MAGI1: variants seen among roughly 807,000 people sequenced by gnomAD.
MAGI1 encodes membrane-associated guanylate kinase, WW and PDZ domain-containing protein 1.
MAGI1 carries 58 observed loss-of-function variants against 139.9 expected under a neutral mutation model. That is an observed-to-expected ratio of 0.41 (90% CI 0.34 to 0.52). The LOEUF (loss-of-function observed/expected upper bound fraction) is 0.52, where lower values mean the gene tolerates loss of function less well. MAGI1 is among the 20% of genes least tolerant of loss of function. The pLI is 0.12. For synonymous variants in MAGI1, 812 were observed against 737.9 expected (o/e 1.10, Z -1.63); for missense variants, 1,874 against 1,901.6 (o/e 0.99, Z 0.27).
At chr3:65,411,030 G>T (rs1945754418) in intron 12 of MAGI1, among the ~76,000 whole-genome samples, 1 of 152,102 alleles carries the variant, frequency 6.6e-6, no homozygotes, top group Admixed American at 6.6e-5. Context: ...AGAAAGGAAA[G>T]AAAAAGAACC....
chr3:66,016,917 C>A (rs2067676383), intron 1 of MAGI1, among the ~76,000 whole-genome samples: 2 of 152,250 alleles, frequency 1.3e-5, no homozygotes, highest in Non-Finnish European at 2.9e-5. Flanking sequence ...TGTACGATTT[C>A]ACTTTTATGA....
chr3:65,756,262 G>T (rs1212624850), intron 1 of MAGI1, among the ~76,000 whole-genome samples: 1 of 152,060 alleles, frequency 6.6e-6, no homozygotes, highest in Non-Finnish European at 1.5e-5. Flanking sequence ...GGCCAGTGGG[G>T]AAAAAAATTG....
intron 1 of MAGI1, among the ~76,000 whole-genome samples, chr3:65,948,942 CA>C (rs2063667607): frequency 6.6e-6 from 1 of 152,144 alleles, no homozygotes; most frequent in East Asian, 1.9e-4. Flanking sequence ...CAGTCTCTTC[CA>C]ACTGCCCAGT....
intron 1 of MAGI1, among the ~76,000 whole-genome samples, chr3:65,691,841 G>A (rs2088689887): frequency 6.6e-6 from 1 of 152,158 alleles, no homozygotes; most frequent in South Asian, 2.1e-4. Flanking sequence ...TGGCTAACTG[G>A]ACTGAAATCG....
chr3:65,532,303 C>G (rs2078750042), intron 2 of MAGI1, among the ~76,000 whole-genome samples: 1 of 152,178 alleles, frequency 6.6e-6, no homozygotes, highest in South Asian at 2.1e-4. Flanking sequence ...GTTCTCTTCA[C>G]TAAGACACAA....
At chr3:65,644,869 C>A (rs956768029) in intron 1 of MAGI1, among the ~76,000 whole-genome samples, 1 of 151,780 alleles carries the variant, frequency 6.6e-6, no homozygotes, top group Admixed American at 6.6e-5. Flanking sequence ...TGGTGACGCA[C>A]ACCTATAATC....
At position 65,357,063 on chromosome 3, in the gene MAGI1, T is replaced by A. The variant is rs773725399; in HGVS notation, c.3704A>T (p.Asp1235Val). 9.9e-6 allele frequency: 16 copies of A among 1,614,022 alleles called. No individual in the cohort carries two copies. The highest frequency in any genetic ancestry group is 1.4e-5 in the Non-Finnish European group (16 of 1,180,032). The change falls in exon 23 of 23, where the codon GAC becomes GTC. Residue 1235 changes from aspartate to valine, a missense_variant. This residue lies in a region of MAGI1 where 653 missense variants were observed against 644.5 expected (regional missense o/e 1.01). Coordinates refer to ENST00000402939, the MANE Select transcript of MAGI1 (RefSeq NM_001033057.2). ...CTCCAATGACGGATGCTGCCGGCGG[T>A]CGGGCCCGGCCCTCACTTCCGGAAC... ...QGVPEVRAGP[D>V]RRQHPSLESS...
intron 2 of MAGI1, among the ~76,000 whole-genome samples, chr3:65,545,179 G>A (rs967256362): frequency 6.6e-6 from 1 of 152,068 alleles, no homozygotes; most frequent in African/African-American, 2.4e-5. Flanking sequence ...ACAAACCCAT[G>A]AGAAAGCAAA....
intron 1 of MAGI1, among the ~76,000 whole-genome samples, chr3:65,694,586 A>G (rs1344659336): frequency 6.6e-6 from 1 of 152,238 alleles, no homozygotes; most frequent in Non-Finnish European, 1.5e-5. Context: ...CTTAATCAGG[A>G]CAGTTTCGGC....
chr3:65,603,114 C>A (rs1246339383), intron 2 of MAGI1, among the ~76,000 whole-genome samples: 1 of 152,060 alleles, frequency 6.6e-6, no homozygotes, highest in African/African-American at 2.4e-5. Flanking sequence ...CTTCCCTTTT[C>A]CTAGCTACTG....
At chr3:65,402,661 A>T (rs980087608) in intron 12 of MAGI1, among the ~76,000 whole-genome samples, 1 of 152,094 alleles carries the variant, frequency 6.6e-6, no homozygotes, top group Non-Finnish European at 1.5e-5. Flanking sequence ...ACTCTTTTGG[A>T]AGTGACTTGT....
At chr3:65,774,451 T>A (rs1394318756) in intron 1 of MAGI1, among the ~76,000 whole-genome samples, 1 of 152,158 alleles carries the variant, frequency 6.6e-6, no homozygotes, top group African/African-American at 2.4e-5. Flanking sequence ...TGTTATATAT[T>A]CAAAATCTTC....
intron 21 of MAGI1, among the ~76,000 whole-genome samples, chr3:65,362,617 C>A (rs573815539): frequency 6.6e-6 from 1 of 152,310 alleles, no homozygotes; most frequent in Non-Finnish European, 1.5e-5. Context: ...GCTGAACAAA[C>A]TTAAACATCA....
At chr3:65,367,028 GC>G (rs1381195576) in intron 18 of MAGI1, among the ~76,000 whole-genome samples, 10 of 152,136 alleles carry the variant, frequency 6.6e-5, no homozygotes, top group African/African-American at 2.4e-4. Flanking sequence ...ATAGCCCATC[GC>G]TGTGACTCTC....
At chr3:65,384,782 T>G (rs1399765735) in intron 14 of MAGI1, among the ~76,000 whole-genome samples, 1 of 101,986 alleles carries the variant, frequency 9.8e-6, no homozygotes, top group African/African-American at 2.9e-5. Context: ...TAGGAAGGGG[T>G]GTGTGTGTGT....
At chr3:65,926,868 A>G (rs1273073632) in intron 1 of MAGI1, among the ~76,000 whole-genome samples, 1 of 152,092 alleles carries the variant, frequency 6.6e-6, no homozygotes, top group Non-Finnish European at 1.5e-5. Flanking sequence ...GGTGGTGCAC[A>G]CCTGTAACCC....
chr3:65,444,039 G>A (rs1948514024), intron 7 of MAGI1, among the ~76,000 whole-genome samples: 1 of 152,080 alleles, frequency 6.6e-6, no homozygotes, highest in East Asian at 1.9e-4. Flanking sequence ...GTTCAGATTT[G>A]GCTGCACATC....
intron 2 of MAGI1, among the ~76,000 whole-genome samples, chr3:65,509,336 A>G (rs1178558873): frequency 6.6e-6 from 1 of 152,202 alleles, no homozygotes; most frequent in Non-Finnish European, 1.5e-5. Flanking sequence ...TCCGGTCTAC[A>G]GCTCCCAGCG....
At chr3:65,650,404 T>C (rs2085513675) in intron 1 of MAGI1, among the ~76,000 whole-genome samples, 1 of 152,190 alleles carries the variant, frequency 6.6e-6, no homozygotes, top group Non-Finnish European at 1.5e-5. Context: ...TTAGGATAGA[T>C]GGTTAAACAA....
Sources: gnomAD v4.1 joint callset for allele counts (sites outside exome capture counted in the v4.1 genomes callset) on GRCh38, gnomAD v4.1.1 for gene constraint, gnomAD v4.1.1 regional missense constraint, MANE v1.5 for transcripts, NCBI Gene and HGNC (gene_info 2026-07-23, HGNC 2026-07-21) for gene names.